Variants in CFAP69 observed in about 807,000 individuals in gnomAD.
The protein encoded by CFAP69 is cilia- and flagella-associated protein 69.
Under a neutral mutation model 123.0 loss-of-function variants are expected in CFAP69, and 92 were observed. The observed-to-expected ratio is 0.75, with a 90% CI of 0.63 to 0.89. The LOEUF (loss-of-function observed/expected upper bound fraction) is 0.89. Ranked by LOEUF, CFAP69 falls within the 40% of genes least tolerant of loss-of-function variation. CFAP69 has a pLI of 0.00. For synonymous variants in CFAP69, 380 were observed against 364.3 expected, an observed-to-expected ratio of 1.04 and a Z score of -0.49; for missense variants, 1,067 against 1,096.9, an observed-to-expected ratio of 0.97 and a Z score of 0.39.
chr7:90,279,646 C>A, intron 11 of CFAP69, 31 bp from the exon 12 acceptor site: 1 of 1,394,298 alleles, frequency 7.2e-7, no homozygotes, highest in South Asian at 1.4e-5. Context: ...GGCTATGTTT[C>A]TAACAAAGTA....
At chr7:90,292,934 C>T (rs1260327563) in intron 15 of CFAP69, among the ~76,000 whole-genome samples, 10 of 152,110 alleles carry the variant, frequency 6.6e-5, no homozygotes, top group South Asian at 4.1e-4. Context: ...TGACTATAAA[C>T]GACCTTTTGA....
rs1788774081 is a variant in CFAP69 at position 90,277,387 on chromosome 7, A to G, written c.1155+53A>G. The G allele has an allele frequency of 2.2e-5, 30 of 1,348,018 alleles. No individual in the cohort carries two copies. In the South Asian group the frequency reaches 2.6e-4, roughly 11 times the overall value. The allele number at this position is 1,348,018 out of a possible 1,614,324, so 83.5% of individuals were successfully genotyped here. A position where few individuals can be genotyped will look rare whatever the true frequency, so the allele number is the denominator to read the frequency against. ...AATAAAAATTGTCTTACTTTGTAGT[A>G]TAACTATTTTAAAGTCTTGACTGTA... is the stretch of plus-strand genomic sequence containing the variant. On this transcript the variant is annotated intron_variant, in intron 11 of 22. Transcript: ENST00000389297.
In CFAP69 at chr7:90,271,808, C is replaced by T. The variant is rs779698043; in HGVS notation, c.710C>T (p.Ala237Val). 1 of 1,581,690 alleles carries T rather than the reference C, an allele frequency of 6.3e-7. No homozygotes were observed. The highest frequency in any genetic ancestry group is 8.6e-7 in the Non-Finnish European group (1 of 1,163,562). Reference sequence around the variant, plus strand: ...GTTAATTGTACTATAATGATGAAAGCACAAGCAGCCAGTGGAATCTGTACT... The same window carrying T: ...GTTAATTGTACTATAATGATGAAAGTACAAGCAGCCAGTGGAATCTGTACT... Reference protein sequence around the residue: ...SEVNCTIMMKAQAASGICTHL... With the variant: ...SEVNCTIMMKVQAASGICTHL... Residue 237 changes from alanine (A) to valine (V), a missense_variant, in exon 8 of 23, where the codon GCA (alanine) becomes GTA (valine). Transcript: ENST00000389297.
intron 1 of CFAP69, chr7:90,252,008 T>G (rs1797068951): frequency 1.4e-5 from 2 of 145,804 alleles, no homozygotes; most frequent in Non-Finnish European, 2.9e-5. Context: ...CTGCTTCCCT[T>G]GATTAGCCTT....
intron 2 of CFAP69, 82 bp from the exon 3 acceptor site, chr7:90,258,016 G>A: frequency 1.2e-6 from 1 of 847,250 alleles, no homozygotes; most frequent in Middle Eastern, 3.0e-4. Context: ...ATTTTAAAGT[G>A]TCTACTTTTA....
the CFAP69 span, chr7:90,317,772 AGGC>A: frequency 1.3e-5 from 2 of 152,106 alleles, no homozygotes; most frequent in African/African-American, 4.8e-5. Flanking sequence ...TCAAACCATC[AGGC>A]AGTTCGTTAC....
At chr7:90,294,398 A>G (rs1414765743) in intron 15 of CFAP69, among the ~76,000 whole-genome samples, 1 of 152,182 alleles carries the variant, frequency 6.6e-6, no homozygotes, top group Non-Finnish European at 1.5e-5. Context: ...TTCTGAAAAA[A>G]TATTTGATTT....
chr7:90,286,503 T>A (rs1790298456), intron 14 of CFAP69, 104 bp downstream of exon 14: 1 of 1,214,934 alleles, frequency 8.2e-7, no homozygotes. Flanking sequence ...GAAAATTTAA[T>A]ATTTTTGTTA....
In CFAP69 at chr7:90,268,383, AG is replaced by A; in HGVS notation, c.532+1del. ...HAEPPKKHIP[G>X]YQQASSSYKI... Reference sequence around the variant, plus strand: ...CAGAACCACCAAAGAAGCATATTCCAGGTGAAGTTTACAATGGTCTTTCAGT... The same window carrying A: ...CAGAACCACCAAAGAAGCATATTCCAGTGAAGTTTACAATGGTCTTTCAGT... On this transcript the variant is annotated frameshift_variant and splice_region_variant, in exon 6 of 23. Coordinates refer to ENST00000389297, the MANE Select transcript of CFAP69 (RefSeq NM_001039706.3). LOFTEE classifies it high-confidence loss of function. 1 of 1,602,296 alleles carries A rather than the reference AG, an allele frequency of 6.2e-7. No individual in the cohort carries two copies.
At chr7:90,322,790 A>G in the CFAP69 span, among the ~76,000 whole-genome samples, 1 of 152,206 alleles carries the variant, frequency 6.6e-6, no homozygotes, top group African/African-American at 2.4e-5. Flanking sequence ...ACTAAATAGG[A>G]GTACATATTT....
At chr7:90,275,665 G>A (rs1419440411) in intron 9 of CFAP69, among the ~76,000 whole-genome samples, 1 of 132,546 alleles carries the variant, frequency 7.5e-6, no homozygotes, top group Non-Finnish European at 1.5e-5. Flanking sequence ...GCAGTGGCGC[G>A]ATCTCAGCTC....
At chr7:90,319,455 C>T in the CFAP69 span, 1 of 398,554 alleles carries the variant, frequency 2.5e-6, no homozygotes, top group Non-Finnish European at 4.4e-6. Context: ...CATACATGTC[C>T]CAGAAATCCT....
chr7:90,251,790 A>G (rs1271542129), intron 1 of CFAP69: 1 of 152,242 alleles, frequency 6.6e-6, no homozygotes, highest in African/African-American at 2.4e-5. Context: ...TGAAATGGAT[A>G]ATGCAAGATA....
Position 90,262,001 on chromosome 7 carries a change from A to G in CFAP69, c.301A>G (p.Ile101Val). 6.2e-7 allele frequency: 1 copy of G among 1,605,224 alleles called. No individual in the cohort carries two copies. Among genetic ancestry groups the G allele is most frequent in the South Asian group, 1.1e-5 (1 of 88,648 alleles). Reference sequence around the variant, plus strand: ...AATTCTGAATCTGTGTTCAGGAAAAATAAAAAACCAGCCTCGTTTTATAGA... The same window carrying G: ...AATTCTGAATCTGTGTTCAGGAAAAGTAAAAAACCAGCCTCGTTTTATAGA... ...FKILNLCSGK[I>V]KNQPRFIESA... Residue 101 changes from isoleucine to valine, a missense_variant, in exon 4 of 23, where the codon ATA becomes GTA. Ile to Val is a conservative substitution (Grantham distance 29, BLOSUM62 3). Transcript: ENST00000389297.
chr7:90,278,428 G>C (rs955958929), intron 11 of CFAP69, among the ~76,000 whole-genome samples: 2 of 151,942 alleles, frequency 1.3e-5, no homozygotes, highest in African/African-American at 4.8e-5. Context: ...TTTATTATTT[G>C]TGACAAAAAA....
At chr7:90,269,879 G>A (rs893814378) in intron 6 of CFAP69, among the ~76,000 whole-genome samples, 1 of 152,054 alleles carries the variant, frequency 6.6e-6, no homozygotes, top group African/African-American at 2.4e-5. Flanking sequence ...GCTAGAAGCT[G>A]GTAAGAAAGA....
rs116833334 is a variant in CFAP69, at chr7:90,272,544, T to A, written c.860+586T>A. On this transcript the variant is annotated intron_variant, in intron 8 of 22. Coordinates refer to ENST00000389297, the MANE Select transcript of CFAP69 (RefSeq NM_001039706.3). ...ATGCTACATGTTCTTCAGAAGAAGA[T>A]CAGTCAGCACATTTTTGTTTGCAAG... 1.6e-3 allele frequency among the ~76,000 whole-genome samples: 249 copies of A among 152,280 alleles called. 1 individual carries two copies. The highest frequency in any genetic ancestry group is 5.5e-3 in the African/African-American group (228 of 41,560).
chr7:90,261,843 C>T (rs914514489), intron 3 of CFAP69, 104 bp from the exon 4 acceptor site: 1 of 557,814 alleles, frequency 1.8e-6, no homozygotes, highest in Admixed American at 4.3e-5. Flanking sequence ...CCACATTTGG[C>T]AAAATAGTTG....
intron 6 of CFAP69, among the ~76,000 whole-genome samples, chr7:90,270,396 A>C (rs1799780999): frequency 6.6e-6 from 1 of 152,158 alleles, no homozygotes; most frequent in Non-Finnish European, 1.5e-5. Flanking sequence ...GTAGAATATA[A>C]AATTCTGTAT....
Sources: gnomAD v4.1 joint callset for allele counts (sites outside exome capture counted in the v4.1 genomes callset) on GRCh38, gnomAD v4.1.1 for gene constraint, MANE v1.5 for transcripts, NCBI Gene and HGNC (gene_info 2026-07-23, HGNC 2026-07-21) for gene names.